MPP7: variants seen among roughly 807,000 people sequenced by gnomAD.
MPP7 encodes the protein MAGUK p55 scaffold protein 7, also known as MAGUK p55 subfamily member 7.
Under a neutral mutation model 76.5 loss-of-function variants are expected in MPP7, and 60 were observed. The observed-to-expected ratio is 0.78, with a 90% CI of 0.64 to 0.97. MPP7 has a LOEUF of 0.97. Ranked by LOEUF, MPP7 falls within the 50% of genes least tolerant of loss-of-function variation. The pLI, the probability that MPP7 is intolerant of heterozygous loss-of-function variation, is 0.00. For synonymous variants in MPP7, 237 were observed against 244.5 expected (o/e 0.97, Z 0.29); for missense variants, 641 against 694.0 (o/e 0.92, Z 0.86).
intron 11 of MPP7, among the ~76,000 whole-genome samples, chr10:28,102,429 G>A (rs1325594637): frequency 6.6e-6 from 1 of 152,126 alleles, no homozygotes; most frequent in African/African-American, 2.4e-5. Flanking sequence ...AAGAAATGAG[G>A]TATGTTACAG....
chr10:28,176,740 A>G (rs1334377502), intron 3 of MPP7, among the ~76,000 whole-genome samples: 2 of 151,986 alleles, frequency 1.3e-5, no homozygotes, highest in African/African-American at 4.8e-5. Flanking sequence ...CTGTCTAAAA[A>G]AAAAGAAACC....
chr10:28,162,709 G>A (rs1022683379), intron 3 of MPP7, among the ~76,000 whole-genome samples: 1 of 152,138 alleles, frequency 6.6e-6, no homozygotes, highest in Non-Finnish European at 1.5e-5. Context: ...TTTTCTCCTT[G>A]TTGGGGGGTT....
At chr10:28,293,211 G>T (rs1840962714) in intron 1 of MPP7, among the ~76,000 whole-genome samples, 1 of 151,762 alleles carries the variant, frequency 6.6e-6, no homozygotes, top group Non-Finnish European at 1.5e-5. Context: ...GCAGAAAAAT[G>T]GGAAACAGAT....
At position 28,069,785 on chromosome 10, in the gene MPP7, G is replaced by A. The variant is rs201899648; in HGVS notation, c.1191C>T (p.Gly397=). 367 of 1,613,492 alleles carry A rather than the reference G, an allele frequency of 2.3e-4. 1 individual carries two copies. The highest frequency in any genetic ancestry group is 2.9e-4 in the Non-Finnish European group (345 of 1,179,676). ...CGCAGAACTCACGGGGCACTGTCAC[G>A]CCATAGTGCTGGGTGTCACTGATCA... The part of the protein sequence containing the change: ...KLLISDTQHY[G]VTVPHTTRAR... The change falls in exon 13 of 17, where the codon GGC becomes GGT. Residue 397 remains glycine, a synonymous_variant. Transcript: ENST00000683449.
At chr10:28,249,297 G>A (rs902206720) in intron 1 of MPP7, among the ~76,000 whole-genome samples, 1 of 152,018 alleles carries the variant, frequency 6.6e-6, no homozygotes, top group Non-Finnish European at 1.5e-5. Flanking sequence ...ATATTAAAAG[G>A]TCACTATCTG....
intron 1 of MPP7, among the ~76,000 whole-genome samples, chr10:28,279,597 C>T (rs1012188718): frequency 6.6e-6 from 1 of 151,562 alleles, no homozygotes; most frequent in Non-Finnish European, 1.5e-5. Flanking sequence ...CCCAGCAACT[C>T]AGGAGGCCGA....
At chr10:28,165,967 G>A (rs910005262) in intron 3 of MPP7, among the ~76,000 whole-genome samples, 1 of 148,690 alleles carries the variant, frequency 6.7e-6, no homozygotes, top group Non-Finnish European at 1.5e-5. Context: ...AGAGGTTGCA[G>A]TGAGCCAAGA....
At chr10:28,151,792 G>A (rs770459370) in intron 3 of MPP7, among the ~76,000 whole-genome samples, 4 of 152,190 alleles carry the variant, frequency 2.6e-5, no homozygotes, top group Non-Finnish European at 5.9e-5. Context: ...CAAGCCATCT[G>A]GCTCAGTGCT....
intron 11 of MPP7, among the ~76,000 whole-genome samples, chr10:28,103,002 A>G (rs1371230578): frequency 6.6e-6 from 1 of 152,206 alleles, no homozygotes; most frequent in Non-Finnish European, 1.5e-5. Context: ...TATTATCTTG[A>G]CAACCTCAAT....
At chr10:28,261,952 C>A (rs1255570309) in intron 1 of MPP7, among the ~76,000 whole-genome samples, 1 of 143,078 alleles carries the variant, frequency 7.0e-6, no homozygotes, top group Non-Finnish European at 1.5e-5. Context: ...GAGTTCAAGA[C>A]CAGCCTGGCC....
At chr10:28,222,712 C>A (rs1021822822) in intron 2 of MPP7, among the ~76,000 whole-genome samples, 3 of 151,156 alleles carry the variant, frequency 2.0e-5, no homozygotes, top group African/African-American at 7.3e-5. Context: ...ATTAGCCAGG[C>A]GTGGTGGCGG....
intron 13 of MPP7, among the ~76,000 whole-genome samples, chr10:28,067,403 G>GT (rs142988325): frequency 0.03 from 4,514 of 152,174 alleles, 214 homozygotes; most frequent in African/African-American, 0.1. Context: ...GTTTGATGCG[G>GT]TATTTTCCAA....
chr10:28,157,172 T>C (rs1836093352), intron 3 of MPP7, among the ~76,000 whole-genome samples: 1 of 152,066 alleles, frequency 6.6e-6, no homozygotes, highest in South Asian at 2.1e-4. Context: ...ATCATGCCAT[T>C]GCACTTCAGC....
intron 1 of MPP7, among the ~76,000 whole-genome samples, chr10:28,269,987 C>T (rs1028376675): frequency 6.6e-6 from 1 of 152,190 alleles, no homozygotes; most frequent in Non-Finnish European, 1.5e-5. Flanking sequence ...TTTACTGGTT[C>T]TCTTAAAAAC....
chr10:28,100,121 T>TA (rs10552894), intron 11 of MPP7, among the ~76,000 whole-genome samples: 174 of 139,938 alleles, frequency 1.2e-3, no homozygotes, highest in Middle Eastern at 3.9e-3. Context: ...TTAAGAAGAT[T>TA]AAAAAAAAAA....
chr10:28,301,421 A>G (rs1323988465), intron 1 of MPP7, among the ~76,000 whole-genome samples: 1 of 152,220 alleles, frequency 6.6e-6, no homozygotes, highest in Non-Finnish European at 1.5e-5. Flanking sequence ...GTGGAAAATT[A>G]CCTTTCACCT....
At chr10:28,179,578 T>G (rs1283742191) in intron 3 of MPP7, among the ~76,000 whole-genome samples, 1 of 152,166 alleles carries the variant, frequency 6.6e-6, no homozygotes, top group Non-Finnish European at 1.5e-5. Flanking sequence ...AATAAAAAAA[T>G]TTCACAAGTT....
chr10:28,086,813 G>C (rs1017218592), intron 12 of MPP7, among the ~76,000 whole-genome samples: 1 of 152,102 alleles, frequency 6.6e-6, no homozygotes, highest in African/African-American at 2.4e-5. Context: ...AAGCCCACCA[G>C]AGTCTATCCC....
chr10:28,299,127 A>G (rs904090834), intron 1 of MPP7, among the ~76,000 whole-genome samples: 33 of 152,174 alleles, frequency 2.2e-4, no homozygotes, highest in African/African-American at 7.5e-4. Flanking sequence ...AGTTTCTTTC[A>G]AGAACCTTTC....
Sources: gnomAD v4.1 joint callset for allele counts (sites outside exome capture counted in the v4.1 genomes callset) on GRCh38, gnomAD v4.1.1 for gene constraint, MANE v1.5 for transcripts, NCBI Gene and HGNC (gene_info 2026-07-23, HGNC 2026-07-21) for gene names.